The following LRRC37A variants were observed in gnomAD, a reference collection of about 807,000 sequenced individuals.
LRRC37A encodes the protein leucine rich repeat containing 37A.
In LRRC37A, 3 loss-of-function variants were observed where a neutral mutation model predicts 35.4. The observed-to-expected ratio is 0.08, with a 90% CI of 0.04 to 0.22. The LOEUF (loss-of-function observed/expected upper bound fraction) is 0.22, where lower values mean the gene tolerates loss of function less well. Among genes scored for constraint, LRRC37A ranks in the 10% least tolerant of loss-of-function variants. The pLI, the probability that LRRC37A is intolerant of heterozygous loss-of-function variation, is 1.00. For missense variants in LRRC37A, 67 were observed against 565.3 expected, an observed-to-expected ratio of 0.12 and a Z score of 8.94; for synonymous variants, 23 against 215.0, an observed-to-expected ratio of 0.11 and a Z score of 7.81.
At chr17:46,331,432 G>A (rs1470843316) in exon 9 of LRRC37A, 1 of 1,420,358 alleles carries the variant, frequency 7.0e-7, no homozygotes, top group African/African-American at 1.6e-5. Context: ...TTATAGAGAA[G>A]AATAATACAA....
chr17:46,262,355 T>C, the LRRC37A span, among the ~76,000 whole-genome samples: 1 of 143,898 alleles, frequency 6.9e-6, no homozygotes, highest in Non-Finnish European at 1.5e-5. Flanking sequence ...CTTTCTCCCT[T>C]CCCCTCTTCT....
the LRRC37A span, among the ~76,000 whole-genome samples, chr17:46,285,699 T>A: frequency 6.6e-6 from 1 of 152,204 alleles, no homozygotes; most frequent in South Asian, 2.1e-4. Flanking sequence ...GGTGTGGGGA[T>A]ATGGTAAAGC....
the LRRC37A span, among the ~76,000 whole-genome samples, chr17:46,251,012 T>A: frequency 3.9e-5 from 6 of 152,286 alleles, no homozygotes; most frequent in Admixed American, 1.3e-4. Context: ...CTTCTCAGCC[T>A]CCTGAGAGCC....
At chr17:46,268,439 T>C in the LRRC37A span, 2 of 1,171,606 alleles carry the variant, frequency 1.7e-6, no homozygotes, top group Non-Finnish European at 2.3e-6. Context: ...CTTAAAGGCC[T>C]TATATTTTCT....
chr17:46,304,907 C>T lies in LRRC37A; in HGVS notation c.2754-602C>T, dbSNP rs547966066. On this transcript the variant is annotated intron_variant, in intron 3 of 13. Coordinates refer to ENST00000320254, the Ensembl canonical transcript of LRRC37A. ...TGTTTGAGACGGAATCTCGCTCTGT[C>T]GCCCAGGCTGGAGTGCAGTGGTGCG... 5.3e-4 allele frequency among the ~76,000 whole-genome samples: 36 copies of T among 68,386 alleles called. 4 individuals are homozygous for T. The highest frequency in any genetic ancestry group is 1.1e-3 in the African/African-American group (32 of 28,906). The allele number at this position is 68,386 out of a possible 152,430, so 44.9% of individuals were successfully genotyped here.
the LRRC37A span, among the ~76,000 whole-genome samples, chr17:46,266,770 G>A: frequency 6.6e-6 from 1 of 152,018 alleles, no homozygotes. Flanking sequence ...GGCCTCAGCC[G>A]CCGGCCGACA....
chr17:46,249,206 A>G, the LRRC37A span, among the ~76,000 whole-genome samples: 1,054 of 151,636 alleles, frequency 7.0e-3, 19 homozygotes, highest in African/African-American at 0.025. Flanking sequence ...GTAGTATTCC[A>G]GTTGTGTGGA....
the LRRC37A span, among the ~76,000 whole-genome samples, chr17:46,277,977 T>C: frequency 0.14 from 21,715 of 151,760 alleles, 1,879 homozygotes; most frequent in Non-Finnish European, 0.22. Context: ...TGGAGTCTCG[T>C]TCTTGTCGCC....
the LRRC37A span, among the ~76,000 whole-genome samples, chr17:46,263,592 T>A: frequency 6.9e-6 from 1 of 144,428 alleles, no homozygotes; most frequent in Non-Finnish European, 1.5e-5. Context: ...CGGTGGCTCA[T>A]GCCTGTAATC....
the LRRC37A span, among the ~76,000 whole-genome samples, chr17:46,267,973 T>A: frequency 1.4e-5 from 2 of 140,826 alleles, no homozygotes; most frequent in African/African-American, 2.7e-5. Context: ...CCATCTCAGC[T>A]CACTGCAACC....
At chr17:46,260,621 T>A in the LRRC37A span, 1 of 355,242 alleles carries the variant, frequency 2.8e-6, no homozygotes, top group Non-Finnish European at 3.9e-6. Context: ...CTCTATTCTC[T>A]TTTTTTTTTT....
At chr17:46,265,916 G>A in the LRRC37A span, among the ~76,000 whole-genome samples, 22,056 of 152,110 alleles carry the variant, frequency 0.14, 2,137 homozygotes, top group Non-Finnish European at 0.22. Context: ...GGCCAACACG[G>A]TGAAACCCCG....
At chr17:46,286,878 C>T in the LRRC37A span, among the ~76,000 whole-genome samples, 5 of 152,242 alleles carry the variant, frequency 3.3e-5, no homozygotes, top group Admixed American at 3.3e-4. Context: ...TACAGATGTA[C>T]ACATCCATTT....
chr17:46,253,770 G>A, the LRRC37A span, among the ~76,000 whole-genome samples: 10 of 150,908 alleles, frequency 6.6e-5, no homozygotes, highest in East Asian at 2.0e-3. Flanking sequence ...GGAGAGGGAG[G>A]GGGAGGGGAG....
chr17:46,269,324 C>G, the LRRC37A span, among the ~76,000 whole-genome samples: 18,479 of 152,068 alleles, frequency 0.12, no homozygotes, highest in Non-Finnish European at 0.18. Flanking sequence ...ACCTGAGGTC[C>G]GGAGTTCGAG....
At chr17:46,280,054 C>G in the LRRC37A span, among the ~76,000 whole-genome samples, 1 of 152,180 alleles carries the variant, frequency 6.6e-6, no homozygotes, top group Non-Finnish European at 1.5e-5. Context: ...TTTCCCTGAA[C>G]CTCTTGTTTT....
At chr17:46,251,529 A>G in the LRRC37A span, among the ~76,000 whole-genome samples, 1 of 151,822 alleles carries the variant, frequency 6.6e-6, no homozygotes, top group Admixed American at 6.6e-5. Context: ...AAGTGCTGGG[A>G]TTACAGGTGT....
chr17:46,272,725 T>C, the LRRC37A span, among the ~76,000 whole-genome samples: 1 of 152,240 alleles, frequency 6.6e-6, no homozygotes, highest in Non-Finnish European at 1.5e-5. Context: ...CAGGAATGTG[T>C]GTTTTTCAAA....
the LRRC37A span, among the ~76,000 whole-genome samples, chr17:46,260,937 T>C: frequency 0.077 from 10,207 of 133,180 alleles, no homozygotes; most frequent in Middle Eastern, 0.13. Flanking sequence ...GAGACTATTA[T>C]TCTCAGCGAA....
Sources: allele counts gnomAD v4.1 joint callset (sites outside exome capture counted in the v4.1 genomes callset), GRCh38; gene constraint gnomAD v4.1.1; transcripts MANE v1.5; gene names NCBI Gene and HGNC (gene_info 2026-07-23, HGNC 2026-07-21).